Variants in HBS1L observed in about 807,000 individuals in gnomAD.
HBS1L encodes HBS1-like protein.
Under a neutral mutation model 88.9 loss-of-function variants are expected in HBS1L, and 55 were observed. The ratio of observed to expected loss-of-function variants is 0.62; its 90% CI spans 0.50 to 0.77. The LOEUF is 0.77. HBS1L is among the 30% of genes least tolerant of loss of function. The pLI is 0.00. For synonymous variants in HBS1L, 267 were observed against 288.5 expected, an observed-to-expected ratio of 0.93 and a Z score of 0.76; for missense variants, 741 against 829.3, an observed-to-expected ratio of 0.89 and a Z score of 1.31.
chr6:135,045,628 G>A (rs1776889597), intron 2 of HBS1L, among the ~76,000 whole-genome samples: 1 of 152,106 alleles, frequency 6.6e-6, no homozygotes, highest in Non-Finnish European at 1.5e-5. Flanking sequence ...CTGAGGTCAG[G>A]AGTTCAAGAC....
chr6:135,017,247 T>C (rs1453964281), intron 4 of HBS1L, among the ~76,000 whole-genome samples: 1 of 152,164 alleles, frequency 6.6e-6, no homozygotes, highest in Non-Finnish European at 1.5e-5. Context: ...AGATCATTTA[T>C]CTCTAAATGA....
chr6:135,036,398 A>G, intron 4 of HBS1L: 1 of 1,037,042 alleles, frequency 9.6e-7, no homozygotes, highest in East Asian at 4.2e-5. Flanking sequence ...AGACATAGTT[A>G]AAAAAAAAAT....
intron 7 of HBS1L, 40 bp downstream of exon 7, chr6:134,996,735 CTG>C (rs1346260488): frequency 2.1e-6 from 3 of 1,424,422 alleles, no homozygotes; most frequent in South Asian, 1.4e-5. Context: ...TTTTAGAAGA[CTG>C]TATGATTTCA....
At chr6:135,027,624 G>A (rs1008633885) in intron 4 of HBS1L, among the ~76,000 whole-genome samples, 1 of 152,192 alleles carries the variant, frequency 6.6e-6, no homozygotes, top group African/African-American at 2.4e-5. Flanking sequence ...AGCAAAGGAT[G>A]AGGCTAGATT....
intron 2 of HBS1L, among the ~76,000 whole-genome samples, chr6:135,048,900 T>C (rs1171782204): frequency 2.0e-5 from 3 of 152,044 alleles, no homozygotes; most frequent in Non-Finnish European, 4.4e-5. Flanking sequence ...AATAACCAGT[T>C]AACAGGAAAA....
rs564917578 is a variant in HBS1L, at chr6:134,976,475, A to C, written c.1797+2204T>G. On this transcript the variant is annotated intron_variant, in intron 15 of 17. Transcript: ENST00000367837. ...TTGAATGCATGTTTATCACAGCACA[A>C]TTTACAGTTGCAAGAATGTGGAACC... is the stretch of plus-strand genomic sequence containing the variant. Among the ~76,000 whole-genome samples, 7 of 152,316 alleles carry C rather than the reference A, an allele frequency of 4.6e-5. No homozygotes were observed. The East Asian group carries it at 1.3e-3, about 29-fold the overall frequency.
At chr6:134,992,370 A>C (rs1040387891) in intron 8 of HBS1L, among the ~76,000 whole-genome samples, 5 of 152,276 alleles carry the variant, frequency 3.3e-5, no homozygotes, top group South Asian at 2.1e-4. Flanking sequence ...TAGTCGCCAT[A>C]ATGTCATAGC....
At chr6:134,978,820 T>C (rs748692038) in intron 14 of HBS1L, 33 bp from the exon 15 acceptor site, 17 of 1,324,026 alleles carry the variant, frequency 1.3e-5, no homozygotes, top group African/African-American at 1.0e-4. Context: ...GGAAAGGTAA[T>C]TGGGGGACAA....
chr6:134,960,915 T>C lies in HBS1L; in HGVS notation c.*4364A>G, dbSNP rs541943520. Reference sequence around the variant, plus strand: ...CCTTTCTTCTTTAAATCTATGGTTTTATTTATTTACAAAATAGGAATATTT... The same window carrying C: ...CCTTTCTTCTTTAAATCTATGGTTTCATTTATTTACAAAATAGGAATATTT... On this transcript the variant is annotated 3_prime_UTR_variant, in exon 18 of 18. Coordinates refer to ENST00000367837, the MANE Select transcript of HBS1L (RefSeq NM_006620.4). The C allele has an allele frequency of 6.6e-6, 1 of 152,304 alleles. No homozygotes were observed. The highest frequency in any genetic ancestry group is 2.4e-5 in the African/African-American group (1 of 41,580). 9.4% of individuals were successfully genotyped at this position (152,304 alleles called of 1,614,324 possible).
chr6:135,047,763 T>G (rs1776957180), intron 2 of HBS1L, among the ~76,000 whole-genome samples: 1 of 152,216 alleles, frequency 6.6e-6, no homozygotes, highest in Non-Finnish European at 1.5e-5. Flanking sequence ...CATATCATCT[T>G]CTCAGTTCTA....
chr6:135,008,749 T>C (rs756173142), intron 4 of HBS1L, among the ~76,000 whole-genome samples: 1 of 152,066 alleles, frequency 6.6e-6, no homozygotes, highest in Non-Finnish European at 1.5e-5. Flanking sequence ...CCCCAATTTA[T>C]GCTCTTCTGA....
rs144849215 is a variant in HBS1L at position 134,965,681 on chromosome 6, G to A, written c.2044-391C>T. Among the ~76,000 whole-genome samples the A allele has an allele frequency of 2.6e-4, 39 of 152,308 alleles. 1 individual carries two copies. The highest frequency in any genetic ancestry group is 8.2e-4 in the African/African-American group (34 of 41,576). On this transcript the variant is annotated intron_variant, in intron 17 of 17. Transcript: ENST00000367837. ...ATTTTTACACTGAAGGAGGTAAATT[G>A]AAGGAGAAATGCATTTATGCCGCTA...
chr6:135,002,925 G>C, intron 4 of HBS1L, 83 bp from the exon 5 acceptor site: 1 of 772,386 alleles, frequency 1.3e-6, no homozygotes, highest in South Asian at 1.7e-5. Context: ...TTAAATTATA[G>C]ATTATGATAA....
chr6:135,034,153 A>G (rs1170792129), intron 4 of HBS1L, among the ~76,000 whole-genome samples: 1 of 152,208 alleles, frequency 6.6e-6, no homozygotes, highest in African/African-American at 2.4e-5. Flanking sequence ...GTTTAAAAAA[A>G]AAAAAGACAT....
At chr6:135,036,497 T>A in intron 4 of HBS1L, 1 of 1,400,534 alleles carries the variant, frequency 7.1e-7, no homozygotes, top group East Asian at 2.6e-5. Flanking sequence ...AAAGTGATCC[T>A]CTGAAGACTT....
chr6:135,052,329 G>C (rs1777111322), intron 1 of HBS1L, among the ~76,000 whole-genome samples: 1 of 152,150 alleles, frequency 6.6e-6, no homozygotes. Context: ...AGGCATCGTG[G>C]CTCACACCTG....
rs763355296 is a variant in HBS1L, at chr6:134,997,606, G to A, written c.590C>T (p.Pro197Leu). The part of the protein sequence containing the change: ...GHSFHTPQKG[P>L]PIEDAIASSD... ...AGAAGCAATGGCATCTTCAATGGGC[G>A]GTCCTTTTTGAGGTGTGTGGAAACT... Residue 197 changes from proline (P) to leucine (L), a missense_variant, in exon 6 of 18, where the codon CCG becomes CTG. By Grantham distance (98) the Pro-to-Leu change is moderately conservative. Coordinates refer to ENST00000367837, the MANE Select transcript of HBS1L (RefSeq NM_006620.4). 2.8e-5 allele frequency: 45 copies of A among 1,613,662 alleles called. 1 individual carries two copies. Among genetic ancestry groups the A allele is most frequent in the South Asian group, 8.8e-5 (8 of 91,080 alleles).
At chr6:134,995,342 G>T (rs1008559567) in intron 7 of HBS1L, among the ~76,000 whole-genome samples, 23 of 151,992 alleles carry the variant, frequency 1.5e-4, no homozygotes, top group African/African-American at 4.6e-4. Flanking sequence ...GGAACATACG[G>T]TGGTGAGCTA....
intron 12 of HBS1L, among the ~76,000 whole-genome samples, chr6:134,984,833 C>T (rs1215350030): frequency 6.6e-6 from 1 of 152,024 alleles, no homozygotes; most frequent in African/African-American, 2.4e-5. Context: ...GCATTTTTAT[C>T]ATAGTTAATA....
Sources: gnomAD v4.1 joint callset for allele counts (sites outside exome capture counted in the v4.1 genomes callset) on GRCh38, gnomAD v4.1.1 for gene constraint, MANE v1.5 for transcripts, NCBI Gene and HGNC (gene_info 2026-07-23, HGNC 2026-07-21) for gene names.